The following GNAQ variants were observed in gnomAD, a reference collection of about 807,000 sequenced individuals.
The protein encoded by GNAQ is guanine nucleotide-binding protein G(q) subunit alpha.
In GNAQ, 8 loss-of-function variants were observed where a neutral mutation model predicts 43.9. The observed-to-expected ratio is 0.18, with a 90% CI of 0.11 to 0.33. GNAQ has a LOEUF of 0.33. GNAQ is among the 10% of genes least tolerant of loss of function. The probability of loss-of-function intolerance (pLI) is 1.00; values close to 1 mark genes in which losing one functional copy is unlikely to be tolerated. For synonymous variants in GNAQ, 155 were observed against 170.7 expected, an observed-to-expected ratio of 0.91 and a Z score of 0.71; for missense variants, 158 against 450.8, an observed-to-expected ratio of 0.35 and a Z score of 5.88.
intron 1 of GNAQ, among the ~76,000 whole-genome samples, chr9:78,005,037 G>A (rs1227575971): frequency 6.6e-6 from 1 of 152,090 alleles, no homozygotes; most frequent in Non-Finnish European, 1.5e-5. Context: ...ATGGTTTGGA[G>A]AGATGACAAA....
intron 1 of GNAQ, among the ~76,000 whole-genome samples, chr9:77,941,516 TG>T (rs1185386668): frequency 2.0e-5 from 3 of 152,192 alleles, no homozygotes; most frequent in Non-Finnish European, 4.4e-5. Flanking sequence ...CCCAAAGTGC[TG>T]GGATTACAGG....
At chr9:77,815,807 T>G in intron 2 of GNAQ, 37 bp from the exon 3 acceptor site, 5 of 1,503,726 alleles carry the variant, frequency 3.3e-6, no homozygotes, top group Non-Finnish European at 4.6e-6. Flanking sequence ...AATACCCTAT[T>G]ACTTTCCAAA....
chr9:77,949,992 C>T (rs375103389), intron 1 of GNAQ, among the ~76,000 whole-genome samples: 1 of 152,152 alleles, frequency 6.6e-6, no homozygotes, highest in Admixed American at 6.6e-5. Context: ...CACATAATCC[C>T]CCCTCCTCCA....
At chr9:77,803,061 C>T (rs1826771557) in intron 3 of GNAQ, among the ~76,000 whole-genome samples, 1 of 152,014 alleles carries the variant, frequency 6.6e-6, no homozygotes, top group African/African-American at 2.4e-5. Context: ...TAGCCAAGGG[C>T]CTGGAGCACA....
At chr9:77,846,808 T>C (rs577623011) in intron 2 of GNAQ, among the ~76,000 whole-genome samples, 2 of 152,300 alleles carry the variant, frequency 1.3e-5, no homozygotes, top group South Asian at 2.1e-4. Context: ...CTTCTACATA[T>C]ATTTTCTTTC....
At chr9:77,999,878 T>C (rs954185078) in intron 1 of GNAQ, among the ~76,000 whole-genome samples, 1 of 152,142 alleles carries the variant, frequency 6.6e-6, no homozygotes. Flanking sequence ...ATTAGTTCCC[T>C]AGTAGGAAAA....
At chr9:78,000,240 C>A (rs1213546121) in intron 1 of GNAQ, among the ~76,000 whole-genome samples, 2 of 151,920 alleles carry the variant, frequency 1.3e-5, no homozygotes, top group Admixed American at 1.3e-4. Context: ...AAATGTAGAG[C>A]GGTGAAAAAT....
chr9:77,956,139 G>A (rs958500690), intron 1 of GNAQ, among the ~76,000 whole-genome samples: 8 of 152,088 alleles, frequency 5.3e-5, no homozygotes, highest in African/African-American at 1.9e-4. Flanking sequence ...TTATTCTAAA[G>A]TGTTTTATAT....
At chr9:77,825,893 G>C (rs1827187549) in intron 2 of GNAQ, among the ~76,000 whole-genome samples, 1 of 152,128 alleles carries the variant, frequency 6.6e-6, no homozygotes, top group African/African-American at 2.4e-5. Flanking sequence ...TTAGATATAA[G>C]AGGCCTAAAT....
At chr9:77,746,254 TA>T (rs1203592928) in intron 5 of GNAQ, among the ~76,000 whole-genome samples, 1 of 152,072 alleles carries the variant, frequency 6.6e-6, no homozygotes, top group East Asian at 1.9e-4. Context: ...TATGTCCTAG[TA>T]AAACAAGGAA....
intron 5 of GNAQ, among the ~76,000 whole-genome samples, chr9:77,747,609 G>A (rs1276242092): frequency 6.6e-6 from 1 of 152,148 alleles, no homozygotes; most frequent in African/African-American, 2.4e-5. Context: ...ATGAAAAACA[G>A]GCACAGAATG....
At chr9:77,969,703 C>T (rs1823212463) in intron 1 of GNAQ, among the ~76,000 whole-genome samples, 1 of 152,216 alleles carries the variant, frequency 6.6e-6, no homozygotes, top group Non-Finnish European at 1.5e-5. Flanking sequence ...AACAGTTCAA[C>T]ACTATGGATT....
rs58496646 is a variant in GNAQ, at chr9:77,889,410, C to CAAAAAAAAAAAAAAA, written c.321+32736_321+32750dup. ...TGGGCGACAAAGCCAGACCCTGTCTCAAAAAAAAAAAAAAAAAAAAAAAAA... is the reference window on the plus strand; with the variant it reads ...TGGGCGACAAAGCCAGACCCTGTCTCAAAAAAAAAAAAAAAAAAAAAAAAAAAAAAAAAAAAAAAA... On this transcript the variant is annotated intron_variant, in intron 2 of 6. Coordinates refer to ENST00000286548, the MANE Select transcript of GNAQ (RefSeq NM_002072.5). 1.0e-3 allele frequency among the ~76,000 whole-genome samples: 50 copies of CAAAAAAAAAAAAAAA among 48,064 alleles called. 4 individuals carry two copies. Among genetic ancestry groups the CAAAAAAAAAAAAAAA allele is most frequent in the East Asian group, 2.2e-3 (2 of 900 alleles). The allele number at this position is 48,064 out of a possible 152,430, so 31.5% of individuals were successfully genotyped here. A position where few individuals can be genotyped will look rare whatever the true frequency, so the allele number is the denominator to read the frequency against.
At chr9:77,813,017 A>C (rs1040313279) in intron 3 of GNAQ, among the ~76,000 whole-genome samples, 4 of 151,858 alleles carry the variant, frequency 2.6e-5, no homozygotes, top group African/African-American at 9.7e-5. Flanking sequence ...GGTTCAACCA[A>C]TTCTCCTGTT....
chr9:77,728,684 AATC>A lies in GNAQ; in HGVS notation c.736-20_736-18del, dbSNP rs1411882630. The A allele has an allele frequency of 7.1e-6, 11 of 1,547,192 alleles. No homozygotes were observed. Among genetic ancestry groups the A allele is most frequent in the Non-Finnish European group, 8.8e-6 (10 of 1,142,528 alleles). ...CATTCGGTTCTGGAAAAAAAAAAAA[AATC>A]AGAAAAAACAAGGAGTGAATTACAT... is the stretch of plus-strand genomic sequence containing the variant. On this transcript the variant is annotated intron_variant, in intron 5 of 6. Transcript: ENST00000286548.
intron 5 of GNAQ, among the ~76,000 whole-genome samples, chr9:77,760,821 C>A (rs1825990973): frequency 6.6e-6 from 1 of 151,414 alleles, no homozygotes; most frequent in Non-Finnish European, 1.5e-5. Flanking sequence ...TGCCCAGCCG[C>A]CCATCGTCTG....
At chr9:77,790,595 G>A (rs117569331) in intron 5 of GNAQ, among the ~76,000 whole-genome samples, 90 of 152,332 alleles carry the variant, frequency 5.9e-4, no homozygotes, top group Non-Finnish European at 1.0e-3. Context: ...GGTGTAAGAA[G>A]AGCTTAGAGG....
At chr9:77,743,085 C>G (rs901598137) in intron 5 of GNAQ, among the ~76,000 whole-genome samples, 24 of 152,124 alleles carry the variant, frequency 1.6e-4, no homozygotes, top group African/African-American at 5.6e-4. Flanking sequence ...CGGTGAAACC[C>G]CGTCTCTACT....
chr9:77,974,518 A>T (rs1251617586), intron 1 of GNAQ, among the ~76,000 whole-genome samples: 1 of 152,178 alleles, frequency 6.6e-6, no homozygotes, highest in Non-Finnish European at 1.5e-5. Flanking sequence ...TCTTTGCAGC[A>T]CTCCTTATGT....
Sources: gnomAD v4.1 joint callset for allele counts (sites outside exome capture counted in the v4.1 genomes callset) on GRCh38, gnomAD v4.1.1 for gene constraint, MANE v1.5 for transcripts, NCBI Gene and HGNC (gene_info 2026-07-23, HGNC 2026-07-21) for gene names.